The following SNX19 variants were observed in gnomAD, a reference collection of about 807,000 sequenced individuals.
The protein encoded by SNX19 is sorting nexin 19.
SNX19 carries 60 observed loss-of-function variants against 85.2 expected under a neutral mutation model. That is an observed-to-expected ratio of 0.70 (90% CI 0.57 to 0.87). The LOEUF (loss-of-function observed/expected upper bound fraction) is 0.87, where lower values mean the gene tolerates loss of function less well. SNX19 is among the 40% of genes least tolerant of loss of function. The pLI is 0.00. For synonymous variants in SNX19, 520 were observed against 470.0 expected, an observed-to-expected ratio of 1.11 and a Z score of -1.38; for missense variants, 1,201 against 1,217.8, an observed-to-expected ratio of 0.99 and a Z score of 0.21.
intron 8 of SNX19, among the ~76,000 whole-genome samples, chr11:130,889,537 T>C (rs1944352687): frequency 7.9e-6 from 1 of 127,086 alleles, no homozygotes; most frequent in Non-Finnish European, 1.8e-5. Context: ...AAACTTTGAG[T>C]GATACCTTCA....
chr11:130,878,394 G>T lies in SNX19; in HGVS notation c.*28C>A. On this transcript the variant is annotated 3_prime_UTR_variant, in exon 11 of 11. Coordinates refer to ENST00000265909, the MANE Select transcript of SNX19 (RefSeq NM_014758.3). ...GGTGGCCGAGTAACTCTACTTCCCT[G>T]ACCTGGGAAGAAGGCGTGAATAACC... 2 of 1,610,410 alleles carry T rather than the reference G, an allele frequency of 1.2e-6. No individual in the cohort carries two copies. The highest frequency in any genetic ancestry group is 2.2e-5 in the South Asian group (2 of 90,682).
At chr11:130,897,380 A>G (rs1222164246) in intron 8 of SNX19, among the ~76,000 whole-genome samples, 1 of 151,840 alleles carries the variant, frequency 6.6e-6, no homozygotes, top group East Asian at 1.9e-4. Context: ...TCTTACACAC[A>G]CACACACAGA....
intron 1 of SNX19, 130 bp downstream of exon 1, chr11:130,914,136 C>T (rs1946352951): frequency 1.4e-6 from 1 of 718,520 alleles, no homozygotes; most frequent in Non-Finnish European, 2.3e-6. Flanking sequence ...AGACCATTCA[C>T]AGAGATAGAT....
In SNX19 at chr11:130,879,805, T is replaced by C. The variant is rs1007538270; in HGVS notation, c.2759-94A>G. 8.6e-6 allele frequency: 10 copies of C among 1,157,532 alleles called. No individual in the cohort carries two copies. In the African/African-American group the frequency reaches 9.1e-5, roughly 11 times the overall value. The allele number at this position is 1,157,532 out of a possible 1,614,324, so 71.7% of individuals were successfully genotyped here. ...CCCCAGGATCTCTGCCGTTTTTACA[T>C]AGGTTAGGTATTTCAGGCCTACCTC... On this transcript the variant is annotated intron_variant, in intron 9 of 10. Coordinates refer to ENST00000265909, the MANE Select transcript of SNX19 (RefSeq NM_014758.3).
intron 2 of SNX19, chr11:130,911,323 A>T: frequency 4.1e-6 from 2 of 486,256 alleles, no homozygotes. Flanking sequence ...CCACCAATCT[A>T]TGAATCTGGA....
Position 130,915,353 on chromosome 11 carries a change from G to C in SNX19, c.587C>G (p.Thr196Ser), listed in dbSNP as rs528474784. 1.2e-6 allele frequency: 2 copies of C among 1,614,170 alleles called. No homozygotes were observed. Among genetic ancestry groups the C allele is most frequent in the South Asian group, 2.2e-5 (2 of 91,090 alleles). ...GCTGTGCACAGCAGGATGTGGGGCA[G>C]TCGCCCGGCAGTAAGCCTCCCAGAG... ...SHLWEAYCRA[T>S]APHPAVHSPS... Residue 196 changes from threonine (T) to serine (S), a missense_variant, in exon 1 of 11, where the codon ACT becomes AGT. Coordinates refer to ENST00000265909, the MANE Select transcript of SNX19 (RefSeq NM_014758.3).
rs199732881 is a variant in SNX19, at chr11:130,915,195, G to A, written c.745C>T (p.Pro249Ser). Residue 249 changes from proline (P) to serine (S), a missense_variant, in exon 1 of 11, where the codon CCA becomes TCA. Physicochemically the swap from Pro to Ser is moderately conservative, Grantham distance 74. Around this residue, in one of 3 missense-constraint regions of SNX19, gnomAD observed 791 missense variants for 750.9 expected, o/e 1.05. Coordinates refer to ENST00000265909, the MANE Select transcript of SNX19 (RefSeq NM_014758.3). ...GGATCTGACAGCCTGCTGATCAGTG[G>A]TAAGATTACATTGCATGTGATGAGT... ...VELITCNVIL[P>S]LISRLSDPDW... The A allele has an allele frequency of 2.0e-4, 328 of 1,614,250 alleles. 1 individual carries two copies. Among genetic ancestry groups the A allele is most frequent in the Non-Finnish European group, 2.7e-4 (320 of 1,180,048 alleles).
rs542818287 is a variant in SNX19 at position 130,872,280 on chromosome 11, G to C, written c.*6142C>G. On this transcript the variant is annotated 3_prime_UTR_variant, in exon 11 of 11. Coordinates refer to ENST00000265909, the MANE Select transcript of SNX19 (RefSeq NM_014758.3). ...GACAGGGAGGCAGTGCAAAGGCTCCGCAAGTCTGAAAATAGCATAGTGTGT... is the reference window on the plus strand; with the variant it reads ...GACAGGGAGGCAGTGCAAAGGCTCCCCAAGTCTGAAAATAGCATAGTGTGT... Among the ~76,000 whole-genome samples, 1 of 152,236 alleles carries C rather than the reference G, an allele frequency of 6.6e-6. No individual in the cohort carries two copies. Among genetic ancestry groups the C allele is most frequent in the South Asian group, 2.1e-4 (1 of 4,814 alleles).
At position 130,915,489 on chromosome 11, in the gene SNX19, T is replaced by A. The variant is rs1156301986; in HGVS notation, c.451A>T (p.Ser151Cys). ...ELRRRMSVMDSHAVAQSVLTL... is the reference protein window; with the variant it reads ...ELRRRMSVMDCHAVAQSVLTL... ...AGAACACTCTGGGCAACAGCATGACTGTCCATCACGCTCATCCTTCTCCGA... is the reference window on the plus strand; with the variant it reads ...AGAACACTCTGGGCAACAGCATGACAGTCCATCACGCTCATCCTTCTCCGA... The change falls in exon 1 of 11, where the codon AGT (serine) becomes TGT (cysteine). Residue 151 changes from serine to cysteine, a missense_variant. Ser to Cys is a moderately radical substitution (Grantham distance 112). Around this residue, in one of 3 missense-constraint regions of SNX19, gnomAD observed 791 missense variants for 750.9 expected, o/e 1.05. Coordinates refer to ENST00000265909, the MANE Select transcript of SNX19 (RefSeq NM_014758.3). 1 of 1,614,090 alleles carries A rather than the reference T, an allele frequency of 6.2e-7. No individual in the cohort carries two copies. Among genetic ancestry groups the A allele is most frequent in the Non-Finnish European group, 8.5e-7 (1 of 1,180,048 alleles).
intron 2 of SNX19, among the ~76,000 whole-genome samples, chr11:130,910,684 C>A (rs1480589063): frequency 1.3e-5 from 2 of 152,118 alleles, no homozygotes; most frequent in African/African-American, 4.8e-5. Context: ...ATGAGGGCAC[C>A]TATCTCACAG....
At chr11:130,905,891 A>G in intron 7 of SNX19, 62 bp downstream of exon 7, 2 of 1,613,396 alleles carry the variant, frequency 1.2e-6, no homozygotes, top group Non-Finnish European at 1.7e-6. Flanking sequence ...CAACTACCCC[A>G]AGTACCAAGT....
chr11:130,872,952 G>T lies in SNX19; in HGVS notation c.*5470C>A, dbSNP rs1943086289. On this transcript the variant is annotated 3_prime_UTR_variant, in exon 11 of 11. Coordinates refer to ENST00000265909, the MANE Select transcript of SNX19 (RefSeq NM_014758.3). ...AGGTACGGCTTGCCAGGACAACTTG[G>T]CTGAATGGGTTCCTGAAACAAGGCA... Among the ~76,000 whole-genome samples the T allele has an allele frequency of 6.6e-6, 1 of 152,176 alleles. No homozygotes were observed. The highest frequency in any genetic ancestry group is 1.5e-5 in the Non-Finnish European group (1 of 68,024).
At chr11:130,888,336 AGTGCTCTATTACTAGAAATTTCCCTCTAG>A in intron 8 of SNX19, among the ~76,000 whole-genome samples, 1 of 152,228 alleles carries the variant, frequency 6.6e-6, no homozygotes, top group African/African-American at 2.4e-5. Context: ...GATGAAGAGC[AGTGCTCTATTACTAGAAATTTCCCTCTAG>A]GATGGCATCA....
chr11:130,875,468 CAAAAT>C lies in SNX19; in HGVS notation c.*2949_*2953del, dbSNP rs946102135. On this transcript the variant is annotated 3_prime_UTR_variant, in exon 11 of 11. Coordinates refer to ENST00000265909, the MANE Select transcript of SNX19 (RefSeq NM_014758.3). The stretch of plus-strand genomic sequence containing the variant: ...GCTTCTAGTTAATAATGTACCGTCT[CAAAAT>C]AAATAAATAATGTACTGTACACTTA... The C allele has an allele frequency of 3.9e-5, 6 of 152,108 alleles. No individual in the cohort carries two copies. The highest frequency in any genetic ancestry group is 7.3e-5 in the Non-Finnish European group (5 of 68,028). 9.4% of individuals were successfully genotyped at this position (152,108 alleles called of 1,614,324 possible).
At chr11:130,909,884 T>A (rs1157913195) in intron 4 of SNX19, 134 bp downstream of exon 4, 18 of 1,153,990 alleles carry the variant, frequency 1.6e-5, no homozygotes, top group Non-Finnish European at 2.0e-5. Context: ...TTTAAGTCCA[T>A]GTTCTATTGA....
rs762612797 is a variant in SNX19, at chr11:130,914,785, G to A, written c.1155C>T (p.Ile385=). 4.3e-6 allele frequency: 7 copies of A among 1,614,214 alleles called. No homozygotes were observed. Among genetic ancestry groups the A allele is most frequent in the East Asian group, 2.2e-5 (1 of 44,888 alleles). ...GAAAGCTGCCTGGAGTCATGAGCATGATGGTTTCTTTGCCCAGTTCAGACA... is the reference window on the plus strand; with the variant it reads ...GAAAGCTGCCTGGAGTCATGAGCATAATGGTTTCTTTGCCCAGTTCAGACA... ...SPLSELGKET[I]MLMTPGSFLS... The change falls in exon 1 of 11, where the codon ATC becomes ATT. Residue 385 remains isoleucine (I), a synonymous_variant. Transcript: ENST00000265909.
intron 1 of SNX19, 62 bp from the exon 2 acceptor site, chr11:130,911,833 T>C: frequency 6.5e-7 from 1 of 1,545,300 alleles, no homozygotes; most frequent in Non-Finnish European, 8.9e-7. Flanking sequence ...CTATTCTGGC[T>C]TTACTGACTA....
intron 4 of SNX19, among the ~76,000 whole-genome samples, chr11:130,909,120 C>T (rs1592364390): frequency 6.6e-6 from 1 of 152,314 alleles, no homozygotes; most frequent in Non-Finnish European, 1.5e-5. Context: ...TGGGGAGGTC[C>T]TCATCTGTCT....
chr11:130,908,326 A>G (rs1464434163), intron 4 of SNX19: 7 of 315,118 alleles, frequency 2.2e-5, no homozygotes, highest in African/African-American at 6.4e-5. Context: ...GCCATGGGAA[A>G]AGAAGCCAAA....
Sources: gnomAD v4.1 joint callset for allele counts (sites outside exome capture counted in the v4.1 genomes callset) on GRCh38, gnomAD v4.1.1 for gene constraint, gnomAD v4.1.1 regional missense constraint, MANE v1.5 for transcripts, NCBI Gene and HGNC (gene_info 2026-07-23, HGNC 2026-07-21) for gene names.